LY86: variants seen among roughly 807,000 people sequenced by gnomAD.
The protein encoded by LY86 is MD-1, RP105-associated.
A neutral mutation model predicts 17.3 loss-of-function variants in LY86; 20 were observed. The ratio of observed to expected loss-of-function variants is 1.15; its 90% CI spans 0.81 to 1.68. The LOEUF (loss-of-function observed/expected upper bound fraction) is 1.68. Ranked by LOEUF, LY86 falls within the 40% of genes most tolerant of loss-of-function variation. The pLI is 0.00. For missense variants in LY86, 200 were observed against 191.9 expected (o/e 1.04, Z -0.25); for synonymous variants, 74 against 70.6 (o/e 1.05, Z -0.24).
chr6:6,610,233 T>C (rs1761297913), intron 1 of LY86, among the ~76,000 whole-genome samples: 1 of 152,234 alleles, frequency 6.6e-6, no homozygotes, highest in African/African-American at 2.4e-5. Flanking sequence ...CGTGGTTCTG[T>C]AAGATGTTAC....
intron 1 of LY86, among the ~76,000 whole-genome samples, chr6:6,596,679 C>T (rs1760723710): frequency 6.6e-6 from 1 of 152,048 alleles, no homozygotes; most frequent in Non-Finnish European, 1.5e-5. Context: ...CAAGAATATC[C>T]AACACTGTGG....
At chr6:6,603,935 C>T (rs1232791097) in intron 1 of LY86, among the ~76,000 whole-genome samples, 1 of 152,158 alleles carries the variant, frequency 6.6e-6, no homozygotes, top group Non-Finnish European at 1.5e-5. Context: ...AAAAACTTAT[C>T]TAACTCTGCC....
intron 1 of LY86, chr6:6,621,060 G>A (rs1581245557): frequency 6.6e-6 from 1 of 152,336 alleles, no homozygotes. Context: ...CCCTTGGGTG[G>A]AAGCCATAGA....
chr6:6,610,974 C>T (rs535667609), intron 1 of LY86, among the ~76,000 whole-genome samples: 2 of 152,306 alleles, frequency 1.3e-5, no homozygotes, highest in South Asian at 2.1e-4. Context: ...AGAAGTCTAC[C>T]TTTCTGATAC....
Position 6,625,024 on chromosome 6 carries a change from A to C in LY86, c.223+12A>C. The C allele has an allele frequency of 8.0e-7, 1 of 1,249,210 alleles. No individual in the cohort carries two copies. Among genetic ancestry groups the C allele is most frequent in the Non-Finnish European group, 1.2e-6 (1 of 865,566 alleles). 77.4% of individuals were successfully genotyped at this position (1,249,210 alleles called of 1,614,324 possible). On this transcript the variant is annotated intron_variant, in intron 2 of 4. Transcript: ENST00000230568. ...TGGAATTATTCTGAGTAAGTAAAAA[A>C]AATGATTAGCATGAAATAAAACATT...
intron 1 of LY86, among the ~76,000 whole-genome samples, chr6:6,589,924 C>T (rs907490729): frequency 1.3e-5 from 2 of 152,024 alleles, no homozygotes; most frequent in Non-Finnish European, 2.9e-5. Flanking sequence ...GCATTCAAGA[C>T]CAGCCTGACC....
At chr6:6,649,291 A>G (rs1762152228) in intron 3 of LY86, among the ~76,000 whole-genome samples, 1 of 152,216 alleles carries the variant, frequency 6.6e-6, no homozygotes, top group South Asian at 2.1e-4. Context: ...CATGACATGC[A>G]GGAATTATGG....
chr6:6,637,642 C>A (rs939417443), intron 3 of LY86, among the ~76,000 whole-genome samples: 1 of 152,186 alleles, frequency 6.6e-6, no homozygotes, highest in Admixed American at 6.5e-5. Flanking sequence ...GATCCCAGAG[C>A]TGCTGGTATT....
intron 3 of LY86, among the ~76,000 whole-genome samples, chr6:6,636,439 A>G (rs1761960230): frequency 1.3e-5 from 2 of 152,238 alleles, no homozygotes; most frequent in African/African-American, 4.8e-5. Context: ...AACTTTGTGC[A>G]GCTGATGACA....
intron 1 of LY86, among the ~76,000 whole-genome samples, chr6:6,606,617 G>A (rs1033088706): frequency 2.6e-5 from 4 of 152,192 alleles, no homozygotes; most frequent in Non-Finnish European, 4.4e-5. Context: ...GCCCTGCCAC[G>A]CGGGGAGGAA....
Position 6,590,118 on chromosome 6 carries a change from T to TAAAAAAAA in LY86, c.136+1265_136+1272dup, listed in dbSNP as rs34637229. On this transcript the variant is annotated intron_variant, in intron 1 of 4. Transcript: ENST00000230568. ...GGGCAAGAGGAGCGAAACTCTGTCT[T>TAAAAAAAA]AAAAAAAAAAAAAAAAAAAAAAAAG... is the stretch of plus-strand genomic sequence containing the variant. Among the ~76,000 whole-genome samples the TAAAAAAAA allele has an allele frequency of 1.5e-4, 12 of 80,586 alleles. No individual in the cohort carries two copies. The East Asian group carries it at 2.5e-3, about 17-fold the overall frequency. The allele number at this position is 80,586 out of a possible 152,430, so 52.9% of individuals were successfully genotyped here.
intron 1 of LY86, among the ~76,000 whole-genome samples, chr6:6,595,315 T>G (rs1180831152): frequency 2.5e-3 from 242 of 98,090 alleles, no homozygotes; most frequent in East Asian, 4.5e-3. Context: ...GAGGAGGAGG[T>G]GGAAGAGGAG....
intron 1 of LY86, among the ~76,000 whole-genome samples, chr6:6,603,388 T>TA (rs1199067430): frequency 1.3e-5 from 2 of 151,924 alleles, no homozygotes; most frequent in East Asian, 3.9e-4. Context: ...CCCACACATC[T>TA]AAGGAAACTG....
At chr6:6,635,983 T>A (rs766868615) in intron 3 of LY86, among the ~76,000 whole-genome samples, 1 of 152,228 alleles carries the variant, frequency 6.6e-6, no homozygotes, top group Non-Finnish European at 1.5e-5. Context: ...AGCAGAGACC[T>A]TAGCCCAGTC....
intron 1 of LY86, among the ~76,000 whole-genome samples, chr6:6,601,753 G>C (rs1291885346): frequency 6.6e-6 from 1 of 152,078 alleles, no homozygotes; most frequent in Non-Finnish European, 1.5e-5. Flanking sequence ...ATATACAATA[G>C]AAAGCAGAAG....
intron 4 of LY86, among the ~76,000 whole-genome samples, chr6:6,653,435 T>C (rs1762215974): frequency 6.6e-6 from 1 of 152,144 alleles, no homozygotes; most frequent in Non-Finnish European, 1.5e-5. Context: ...CCCAGAGCAT[T>C]TTCCTCTCCA....
intron 1 of LY86, among the ~76,000 whole-genome samples, chr6:6,613,513 G>A (rs1166503969): frequency 1.3e-5 from 2 of 152,182 alleles, no homozygotes; most frequent in African/African-American, 4.8e-5. Context: ...TCACTGCCCG[G>A]GGCTTGCTGT....
chr6:6,604,844 A>AG (rs1561778712), intron 1 of LY86, among the ~76,000 whole-genome samples: 2 of 151,740 alleles, frequency 1.3e-5, no homozygotes. Flanking sequence ...AAAGGAAAAA[A>AG]AAAAATGGTA....
chr6:6,613,280 T>C (rs750139085), intron 1 of LY86, among the ~76,000 whole-genome samples: 2 of 152,198 alleles, frequency 1.3e-5, no homozygotes, highest in Non-Finnish European at 2.9e-5. Context: ...GCGCCCGCAC[T>C]CCTCAGCCCT....
Sources: gnomAD v4.1 joint callset for allele counts (sites outside exome capture counted in the v4.1 genomes callset) on GRCh38, gnomAD v4.1.1 for gene constraint, MANE v1.5 for transcripts, NCBI Gene and HGNC (gene_info 2026-07-23, HGNC 2026-07-21) for gene names.